Variants in BLTP3B observed in about 807,000 individuals in gnomAD.
The protein encoded by BLTP3B is bridge-like lipid transfer protein family member 3B, also known as UHRF1 (ICBP90) binding protein 1-like.
At chr12:100,102,473 GA>G in the BLTP3B span, among the ~76,000 whole-genome samples, 1 of 152,114 alleles carries the variant, frequency 6.6e-6, no homozygotes, top group African/African-American at 2.4e-5. Flanking sequence ...GATATGCAGA[GA>G]AACTGATCAG....
At chr12:100,065,522 G>A in the BLTP3B span, among the ~76,000 whole-genome samples, 1 of 152,096 alleles carries the variant, frequency 6.6e-6, no homozygotes, top group Admixed American at 6.6e-5. Context: ...CTGGGGGGAG[G>A]TCTATAAATG....
At chr12:100,125,564 C>T in the BLTP3B span, among the ~76,000 whole-genome samples, 1 of 152,102 alleles carries the variant, frequency 6.6e-6, no homozygotes, top group South Asian at 2.1e-4. Flanking sequence ...AGAAGGATCA[C>T]TTACGCCTGG....
At chr12:100,096,466 A>T in the BLTP3B span, among the ~76,000 whole-genome samples, 2 of 152,178 alleles carry the variant, frequency 1.3e-5, no homozygotes, top group African/African-American at 2.4e-5. Context: ...TGAAATTATA[A>T]GACAGTAAAT....
chr12:100,133,724 G>C, the BLTP3B span, among the ~76,000 whole-genome samples: 10 of 152,158 alleles, frequency 6.6e-5, no homozygotes, highest in African/African-American at 2.2e-4. Flanking sequence ...ACATCTCCTA[G>C]ACCAAGCACC....
At chr12:100,113,660 T>C in the BLTP3B span, among the ~76,000 whole-genome samples, 10 of 151,820 alleles carry the variant, frequency 6.6e-5, no homozygotes, top group African/African-American at 2.4e-4. Flanking sequence ...TTCACTATTA[T>C]TAAGACTAAG....
chr12:100,054,058 T>C, the BLTP3B span, among the ~76,000 whole-genome samples: 2 of 152,160 alleles, frequency 1.3e-5, no homozygotes, highest in African/African-American at 2.4e-5. Flanking sequence ...CTGGAATCTA[T>C]TCTAAGATAG....
chr12:100,073,683 C>T, the BLTP3B span, among the ~76,000 whole-genome samples: 17 of 151,970 alleles, frequency 1.1e-4, no homozygotes, highest in South Asian at 1.5e-3. Context: ...ATAGTTTGAT[C>T]GCTCGAATTC....
At chr12:100,083,524 T>A in the BLTP3B span, among the ~76,000 whole-genome samples, 7 of 152,212 alleles carry the variant, frequency 4.6e-5, no homozygotes, top group African/African-American at 1.7e-4. Context: ...AGGGTGACTA[T>A]AATTAATAAT....
chr12:100,111,523 C>T, the BLTP3B span, among the ~76,000 whole-genome samples: 2 of 151,940 alleles, frequency 1.3e-5, no homozygotes, highest in African/African-American at 2.4e-5. Context: ...TTGATTTTGG[C>T]TCACTGCAAC....
the BLTP3B span, among the ~76,000 whole-genome samples, chr12:100,067,743 A>G: frequency 6.6e-6 from 1 of 152,172 alleles, no homozygotes; most frequent in African/African-American, 2.4e-5. Context: ...AAAAAACACA[A>G]AACTTAGGAA....
the BLTP3B span, among the ~76,000 whole-genome samples, chr12:100,094,529 T>C: frequency 6.6e-6 from 1 of 152,186 alleles, no homozygotes; most frequent in Non-Finnish European, 1.5e-5. Flanking sequence ...TAGGAAATAG[T>C]AGGCAGGCAA....
At chr12:100,037,120 T>G in the BLTP3B span, 1 of 894,768 alleles carries the variant, frequency 1.1e-6, no homozygotes, top group Non-Finnish European at 1.3e-6. Context: ...TTGGACTTTT[T>G]ACAATAATTA....
the BLTP3B span, among the ~76,000 whole-genome samples, chr12:100,118,997 G>A: frequency 6.6e-6 from 1 of 152,118 alleles, no homozygotes; most frequent in Non-Finnish European, 1.5e-5. Flanking sequence ...AGCTACTCGG[G>A]AGGCTGAGGC....
chr12:100,142,026 T>C, the BLTP3B span, among the ~76,000 whole-genome samples: 1 of 152,084 alleles, frequency 6.6e-6, no homozygotes, highest in African/African-American at 2.4e-5. Context: ...AAACAAATCC[T>C]AACTGTGCAA....
At chr12:100,051,649 G>GA in the BLTP3B span, 3 of 153,156 alleles carry the variant, frequency 2.0e-5, no homozygotes, top group Non-Finnish European at 4.4e-5. Context: ...ATGGCCCAGG[G>GA]AAAATACCTG....
chr12:100,056,670 C>A, the BLTP3B span, among the ~76,000 whole-genome samples: 29 of 151,170 alleles, frequency 1.9e-4, no homozygotes. Context: ...AAACCCCATC[C>A]CTAGTAAAAA....
chr12:100,097,461 C>T, the BLTP3B span: 1 of 1,612,916 alleles, frequency 6.2e-7, no homozygotes, highest in Admixed American at 1.7e-5. Context: ...TGGCATCTGC[C>T]TCTATTCTTA....
At chr12:100,077,613 C>G in the BLTP3B span, among the ~76,000 whole-genome samples, 1 of 152,288 alleles carries the variant, frequency 6.6e-6, no homozygotes, top group African/African-American at 2.4e-5. Context: ...TCAGATATTG[C>G]CAAATGTCCC....
At chr12:100,130,985 GAGAGAGAGA>G in the BLTP3B span, among the ~76,000 whole-genome samples, 1 of 57,974 alleles carries the variant, frequency 1.7e-5, no homozygotes, top group Non-Finnish European at 4.0e-5. Flanking sequence ...GAGGGAGGGA[GAGAGAGAGA>G]GAGAGAGAGA....
Sources: allele counts gnomAD v4.1 joint callset (sites outside exome capture counted in the v4.1 genomes callset), GRCh38; gene constraint gnomAD v4.1.1; transcripts MANE v1.5; gene names NCBI Gene and HGNC (gene_info 2026-07-23, HGNC 2026-07-21).